PDE6C: variants seen among roughly 807,000 people sequenced by gnomAD.
The protein encoded by PDE6C is cone cGMP-specific 3',5'-cyclic phosphodiesterase subunit alpha'.
A neutral mutation model predicts 113.1 loss-of-function variants in PDE6C; 75 were observed. The observed-to-expected ratio is 0.66, with a 90% CI of 0.55 to 0.80. PDE6C has a LOEUF of 0.80. Among genes scored for constraint, PDE6C ranks in the 30% least tolerant of loss-of-function variants. The pLI is 0.00. For synonymous variants in PDE6C, 375 were observed against 363.7 expected, an observed-to-expected ratio of 1.03 and a Z score of -0.35; for missense variants, 912 against 1,038.6, an observed-to-expected ratio of 0.88 and a Z score of 1.67.
chr10:93,653,726 A>G (rs2058620443), intron 15 of PDE6C, among the ~76,000 whole-genome samples: 1 of 152,160 alleles, frequency 6.6e-6, no homozygotes, highest in South Asian at 2.1e-4. Context: ...TTGTTTTTGT[A>G]ATTTAGACTG....
chr10:93,636,018 G>T (rs1250156962), intron 10 of PDE6C, among the ~76,000 whole-genome samples: 1 of 152,148 alleles, frequency 6.6e-6, no homozygotes, highest in African/African-American at 2.4e-5. Flanking sequence ...TCACATTTGT[G>T]GGTTGACCAG....
intron 8 of PDE6C, among the ~76,000 whole-genome samples, chr10:93,632,134 A>G (rs982161731): frequency 6.6e-6 from 1 of 152,180 alleles, no homozygotes; most frequent in East Asian, 1.9e-4. Flanking sequence ...TTTTGTCATC[A>G]TAGCTCCTTC....
intron 4 of PDE6C, 35 bp downstream of exon 4, chr10:93,622,107 C>T (rs747788466): frequency 1.2e-6 from 2 of 1,601,482 alleles, no homozygotes; most frequent in Non-Finnish European, 1.7e-6. Flanking sequence ...TCTCATCTCA[C>T]ATCGCCTATA....
chr10:93,653,847 T>C (rs184279799), intron 15 of PDE6C, among the ~76,000 whole-genome samples: 327 of 152,318 alleles, frequency 2.1e-3, no homozygotes, highest in African/African-American at 6.3e-3. Flanking sequence ...ATTACTTATA[T>C]ATGCTTTGTA....
chr10:93,633,792 G>C (rs1012027294), intron 8 of PDE6C, among the ~76,000 whole-genome samples: 1 of 152,196 alleles, frequency 6.6e-6, no homozygotes, highest in Non-Finnish European at 1.5e-5. Flanking sequence ...AGCTAAACAG[G>C]TGTTAGAAGA....
intron 4 of PDE6C, 60 bp from the exon 5 acceptor site, chr10:93,625,515 T>C: frequency 1.8e-6 from 2 of 1,091,006 alleles, no homozygotes; most frequent in South Asian, 2.5e-5. Flanking sequence ...AAAATTCATA[T>C]AAGATATGGT....
chr10:93,654,059 C>T (rs1015578518), intron 15 of PDE6C, among the ~76,000 whole-genome samples: 24 of 152,232 alleles, frequency 1.6e-4, no homozygotes, highest in South Asian at 4.1e-4. Flanking sequence ...CATAACTTTA[C>T]GTAATAATAA....
In PDE6C at chr10:93,658,881, C is replaced by T; in HGVS notation, c.2037-20C>T. On this transcript the variant is annotated intron_variant, in intron 16 of 21. Coordinates refer to ENST00000371447, the MANE Select transcript of PDE6C (RefSeq NM_006204.4). ...CTTTTCATAAGCTAAAATTGTTGCT[C>T]ACAGCTGTATCTTTTCTAGGAAGAG... 7.1e-7 allele frequency: 1 copy of T among 1,418,252 alleles called. No individual in the cohort carries two copies. Among genetic ancestry groups the T allele is most frequent in the Non-Finnish European group, 1.0e-6 (1 of 1,002,252 alleles). The allele number at this position is 1,418,252 out of a possible 1,614,324, so 87.9% of individuals were successfully genotyped here.
chr10:93,640,091 C>T lies in PDE6C; in HGVS notation c.1504C>T (p.Arg502Cys), dbSNP rs145216599. The T allele has an allele frequency of 7.4e-6, 12 of 1,613,974 alleles. No individual in the cohort carries two copies. The highest frequency in any genetic ancestry group is 3.3e-5 in the South Asian group (3 of 91,082). The change falls in exon 12 of 22, where the codon CGC becomes TGC. Residue 502 changes from arginine (R) to cysteine (C), a missense_variant. Transcript: ENST00000371447. ...AILKEDLPDPRSAELYEFRFS... is the reference protein window; with the variant it reads ...AILKEDLPDPCSAELYEFRFS... ...ACAGAAAGAGGACTTGCCAGACCCA[C>T]GCTCAGCAGAACTGTACGAATTCCG...
At chr10:93,640,625 G>T in intron 13 of PDE6C, 68 bp downstream of exon 13, 1 of 1,088,160 alleles carries the variant, frequency 9.2e-7, no homozygotes, top group Admixed American at 1.7e-5. Context: ...TGAGAAATAG[G>T]TATGGTCCAT....
intron 14 of PDE6C, among the ~76,000 whole-genome samples, 163 bp from the exon 15 acceptor site, chr10:93,645,797 A>G (rs543180264): frequency 6.6e-6 from 1 of 152,148 alleles, no homozygotes; most frequent in East Asian, 1.9e-4. Context: ...GCATATTCTC[A>G]TCTTCTAAAT....
At chr10:93,621,896 T>C in intron 3 of PDE6C, 36 bp from the exon 4 acceptor site, 4 of 1,598,022 alleles carry the variant, frequency 2.5e-6, no homozygotes, top group Non-Finnish European at 3.4e-6. Context: ...TAGCATACTT[T>C]ATTCTAACTG....
At chr10:93,638,849 T>C (rs920399464) in intron 11 of PDE6C, among the ~76,000 whole-genome samples, 2 of 152,038 alleles carry the variant, frequency 1.3e-5, no homozygotes, top group Non-Finnish European at 2.9e-5. Context: ...TGTGCAAGAG[T>C]GTGAGGGGTC....
At chr10:93,656,230 A>G (rs937862745) in intron 16 of PDE6C, among the ~76,000 whole-genome samples, 3 of 152,216 alleles carry the variant, frequency 2.0e-5, no homozygotes, top group Non-Finnish European at 4.4e-5. Context: ...TGAATTCTCT[A>G]TGGTCCAGAA....
chr10:93,636,395 T>TGTGTGTGTGTGTGTG (rs1554890073), intron 10 of PDE6C, among the ~76,000 whole-genome samples: 9 of 148,638 alleles, frequency 6.1e-5, no homozygotes, highest in Admixed American at 1.3e-4. Context: ...TGTGTGTGTG[T>TGTGTGTGTGTGTGTG]GTGTGTGTGT....
chr10:93,629,378 AC>A (rs764381917), intron 8 of PDE6C, 73 bp downstream of exon 8: 2 of 1,085,364 alleles, frequency 1.8e-6, no homozygotes, highest in Non-Finnish European at 2.9e-6. Flanking sequence ...CCTCTCCTCC[AC>A]CCCCAGAGTC....
intron 1 of PDE6C, among the ~76,000 whole-genome samples, chr10:93,613,458 G>T (rs2058403569): frequency 6.6e-6 from 1 of 152,212 alleles, no homozygotes; most frequent in South Asian, 2.1e-4. Flanking sequence ...CCCATGTAAA[G>T]TTTGGCATTT....
At chr10:93,662,224 G>A (rs1236871426) in intron 19 of PDE6C, 91 bp downstream of exon 19, 7 of 825,478 alleles carry the variant, frequency 8.5e-6, no homozygotes, top group Non-Finnish European at 1.5e-5. Flanking sequence ...CAGCACTTTG[G>A]GAGGCTGAGG....
intron 14 of PDE6C, among the ~76,000 whole-genome samples, chr10:93,642,938 G>A (rs1459501525): frequency 5.3e-5 from 8 of 152,252 alleles, no homozygotes; most frequent in South Asian, 2.1e-4. Context: ...TACACTGGCC[G>A]CTCGCTCCTC....
Sources: gnomAD v4.1 joint callset for allele counts (sites outside exome capture counted in the v4.1 genomes callset) on GRCh38, gnomAD v4.1.1 for gene constraint, MANE v1.5 for transcripts, NCBI Gene and HGNC (gene_info 2026-07-23, HGNC 2026-07-21) for gene names.